The following ADGRL2 variants were observed in gnomAD, a reference collection of about 807,000 sequenced individuals.
ADGRL2 encodes the protein calcium-independent alpha-latrotoxin receptor 2.
ADGRL2 carries 44 observed loss-of-function variants against 157.4 expected under a neutral mutation model. That is an observed-to-expected ratio of 0.28 (90% confidence interval 0.22 to 0.36). The LOEUF is 0.36. Among genes scored for constraint, ADGRL2 ranks in the 10% least tolerant of loss-of-function variants. ADGRL2 has a pLI of 1.00. For synonymous variants in ADGRL2, 585 were observed against 624.7 expected, an observed-to-expected ratio of 0.94 and a Z score of 0.95; for missense variants, 1,510 against 1,768.9, an observed-to-expected ratio of 0.85 and a Z score of 2.63.
Position 81,462,065 on chromosome 1 carries a change from A to G in ADGRL2, c.-248+16976A>G, listed in dbSNP as rs548942418. On this transcript the variant is annotated intron_variant, in intron 2 of 24. Transcript: ENST00000370721. ...TCTGTCTAGCTAGAGGATTGTAAAT[A>G]CAACAATCAGTGCTCTGTGTCCAGC... is the stretch of plus-strand genomic sequence containing the variant. 2.5e-3 allele frequency among the ~76,000 whole-genome samples: 378 copies of G among 152,256 alleles called. 2 individuals carry two copies. Among genetic ancestry groups the G allele is most frequent in the African/African-American group, 8.6e-3 (356 of 41,550 alleles).
intron 2 of ADGRL2, among the ~76,000 whole-genome samples, chr1:81,492,852 T>C (rs1348284508): frequency 6.6e-6 from 1 of 152,202 alleles, no homozygotes; most frequent in African/African-American, 2.4e-5. Context: ...GTATACTTCC[T>C]TTCTGGATTT....
intron 1 of ADGRL2, among the ~76,000 whole-genome samples, chr1:81,700,004 TAC>T (rs1322571203): frequency 6.6e-6 from 1 of 152,180 alleles, no homozygotes; most frequent in East Asian, 1.9e-4. Context: ...TAGCTGTCGG[TAC>T]AGTTTCTGGC....
chr1:81,409,213 G>A (rs1182370350), intron 1 of ADGRL2, among the ~76,000 whole-genome samples: 7 of 152,048 alleles, frequency 4.6e-5, no homozygotes, highest in African/African-American at 1.2e-4. Flanking sequence ...CTGCTCACTG[G>A]TGCATCCGCT....
rs1225216202 is a variant in ADGRL2 at position 81,966,620 on chromosome 1, G to A, written c.2349+11G>A. The A allele has an allele frequency of 3.1e-6, 5 of 1,609,474 alleles. No individual in the cohort carries two copies. Among genetic ancestry groups the A allele is most frequent in the African/African-American group, 2.7e-5 (2 of 74,954 alleles). On this transcript the variant is annotated intron_variant, in intron 13 of 23. Coordinates refer to ENST00000686636, the MANE Select transcript of ADGRL2 (RefSeq NM_001366006.2). ...CTGCCACACATTGATGTAAGTTAATGTATGCTAATGAAGTAATGGAAGGTT... is the reference window on the plus strand; with the variant it reads ...CTGCCACACATTGATGTAAGTTAATATATGCTAATGAAGTAATGGAAGGTT...
intron 3 of ADGRL2, among the ~76,000 whole-genome samples, chr1:81,610,565 C>T (rs1221542133): frequency 1.3e-5 from 2 of 152,072 alleles, no homozygotes; most frequent in African/African-American, 4.8e-5. Flanking sequence ...GAATTTATTG[C>T]AGAGTTTTTA....
intron 3 of ADGRL2, among the ~76,000 whole-genome samples, chr1:81,640,644 T>A (rs2148800435): frequency 6.7e-6 from 1 of 149,478 alleles, no homozygotes; most frequent in South Asian, 2.1e-4. Flanking sequence ...AATAAATAAA[T>A]AAATAAATAA....
At chr1:81,367,789 T>G (rs915689942) in intron 1 of ADGRL2, among the ~76,000 whole-genome samples, 4 of 152,176 alleles carry the variant, frequency 2.6e-5, no homozygotes, top group Admixed American at 2.6e-4. Flanking sequence ...TGACCTCAGG[T>G]GATCCGTCCA....
At chr1:81,803,427 CT>C (rs113960001) in intron 1 of ADGRL2, among the ~76,000 whole-genome samples, 1,632 of 152,014 alleles carry the variant, frequency 0.011, 29 homozygotes, top group African/African-American at 0.037. Flanking sequence ...TGAGTGGAGG[CT>C]TTTTTTCCCC....
intron 2 of ADGRL2, among the ~76,000 whole-genome samples, chr1:81,890,238 C>T (rs1006075609): frequency 3.3e-5 from 5 of 152,042 alleles, no homozygotes; most frequent in Non-Finnish European, 5.9e-5. Flanking sequence ...CTGTGAAGAA[C>T]GCTACAAAGA....
At chr1:81,965,980 A>C in intron 11 of ADGRL2, 78 bp from the exon 12 acceptor site, 1 of 1,413,576 alleles carries the variant, frequency 7.1e-7, no homozygotes. Flanking sequence ...TAGTTTCCAT[A>C]CAGTTATCAT....
intron 23 of ADGRL2, among the ~76,000 whole-genome samples, chr1:81,988,867 A>C (rs1472931462): frequency 3.3e-5 from 5 of 152,110 alleles, no homozygotes; most frequent in Non-Finnish European, 7.4e-5. Context: ...TCCAAGAATT[A>C]AATTTTTTCC....
chr1:81,551,299 TCTGTGTATCC>T (rs558469808), intron 2 of ADGRL2, among the ~76,000 whole-genome samples: 220 of 152,284 alleles, frequency 1.4e-3, no homozygotes, highest in African/African-American at 5.1e-3. Flanking sequence ...TTGAGGAAGA[TCTGTGTATCC>T]AACAGGCCAA....
intron 1 of ADGRL2, among the ~76,000 whole-genome samples, chr1:81,755,546 T>G (rs912478979): frequency 1.1e-4 from 16 of 152,080 alleles, no homozygotes; most frequent in Non-Finnish European, 2.9e-5. Flanking sequence ...AAACTTGACT[T>G]GTTTTCAAAA....
intron 3 of ADGRL2, among the ~76,000 whole-genome samples, chr1:81,601,392 G>A (rs2081331208): frequency 6.6e-6 from 1 of 152,132 alleles, no homozygotes; most frequent in African/African-American, 2.4e-5. Context: ...GGCTCCTGGG[G>A]ACCAGAAGAG....
chr1:81,572,386 C>G (rs1247419887), intron 2 of ADGRL2, among the ~76,000 whole-genome samples: 2 of 152,178 alleles, frequency 1.3e-5, no homozygotes, highest in Non-Finnish European at 2.9e-5. Flanking sequence ...GGTAAGTTCT[C>G]AAAGATACAA....
intron 1 of ADGRL2, among the ~76,000 whole-genome samples, chr1:81,327,385 G>A (rs1056544523): frequency 5.3e-5 from 8 of 152,140 alleles, no homozygotes; most frequent in Non-Finnish European, 1.5e-5. Flanking sequence ...ATCTGAACAG[G>A]TCTGCCCTAG....
intron 3 of ADGRL2, among the ~76,000 whole-genome samples, chr1:81,583,773 T>C (rs1049950478): frequency 2.0e-5 from 3 of 152,178 alleles, no homozygotes; most frequent in Non-Finnish European, 4.4e-5. Flanking sequence ...TCTTACCCTA[T>C]TGTAAAGTAA....
At chr1:81,747,205 ATATG>A (rs917547856) in intron 1 of ADGRL2, among the ~76,000 whole-genome samples, 10 of 147,646 alleles carry the variant, frequency 6.8e-5, no homozygotes, top group Non-Finnish European at 1.5e-4. Flanking sequence ...GCATGTATAT[ATATG>A]TATGTGTGTA....
intron 1 of ADGRL2, among the ~76,000 whole-genome samples, chr1:81,341,891 G>C (rs1435806081): frequency 6.6e-6 from 1 of 151,978 alleles, no homozygotes; most frequent in Admixed American, 6.6e-5. Flanking sequence ...CAAATTCTAG[G>C]TTTTTATATT....
Sources: allele counts gnomAD v4.1 joint callset (sites outside exome capture counted in the v4.1 genomes callset), GRCh38; gene constraint gnomAD v4.1.1; transcripts MANE v1.5; gene names NCBI Gene and HGNC (gene_info 2026-07-23, HGNC 2026-07-21).